The following CTNNBL1 variants were observed in gnomAD, a reference collection of about 807,000 sequenced individuals.
CTNNBL1 encodes catenin beta like 1.
A neutral mutation model predicts 72.7 loss-of-function variants in CTNNBL1; 31 were observed. The observed-to-expected ratio is 0.43, with a 90% CI of 0.32 to 0.58. The LOEUF is 0.58. Ranked by LOEUF, CTNNBL1 falls within the 20% of genes least tolerant of loss-of-function variation. The pLI, the probability that CTNNBL1 is intolerant of heterozygous loss-of-function variation, is 0.08. For missense variants in CTNNBL1, 534 were observed against 725.1 expected, an observed-to-expected ratio of 0.74 and a Z score of 3.03; for synonymous variants, 240 against 267.3, an observed-to-expected ratio of 0.90 and a Z score of 1.00.
At chr20:37,814,115 C>T (rs2072034563) in intron 11 of CTNNBL1, among the ~76,000 whole-genome samples, 1 of 152,130 alleles carries the variant, frequency 6.6e-6, no homozygotes, top group Non-Finnish European at 1.5e-5. Context: ...ACAGCTAGTA[C>T]CTGGCCTTCC....
At chr20:37,752,379 T>G (rs2073327348) in intron 4 of CTNNBL1, among the ~76,000 whole-genome samples, 1 of 152,222 alleles carries the variant, frequency 6.6e-6, no homozygotes, top group Non-Finnish European at 1.5e-5. Flanking sequence ...TCATCTGCAT[T>G]AATTGAGCTA....
At chr20:37,868,701 G>A (rs138990503) in intron 15 of CTNNBL1, among the ~76,000 whole-genome samples, 16 of 152,258 alleles carry the variant, frequency 1.1e-4, no homozygotes, top group African/African-American at 2.2e-4. Context: ...GCGAGGCCTC[G>A]GCACAGGTGA....
intron 10 of CTNNBL1, 94 bp downstream of exon 10, chr20:37,779,429 T>C: frequency 6.9e-7 from 1 of 1,439,468 alleles, no homozygotes; most frequent in Non-Finnish European, 9.6e-7. Context: ...TCATTTATTC[T>C]GTTGGGTTTC....
At chr20:37,782,750 A>G (rs994080290) in intron 10 of CTNNBL1, among the ~76,000 whole-genome samples, 1 of 152,196 alleles carries the variant, frequency 6.6e-6, no homozygotes, top group African/African-American at 2.4e-5. Flanking sequence ...AACATTTTAC[A>G]TTTACATCCC....
intron 1 of CTNNBL1, among the ~76,000 whole-genome samples, chr20:37,726,462 G>T (rs1036739817): frequency 1.3e-5 from 2 of 152,154 alleles, no homozygotes; most frequent in Admixed American, 1.3e-4. Flanking sequence ...CTCACCATAG[G>T]CAAGTTGCTT....
Position 37,860,338 on chromosome 20 carries a change from A to G in CTNNBL1, c.1597A>G (p.Ile533Val), listed in dbSNP as rs778774670. ...CTCCATCAAAATTGTCAGGCATATCATCAAGGGTGAGTTGGATGCTACTCA... is the reference window on the plus strand; with the variant it reads ...CTCCATCAAAATTGTCAGGCATATCGTCAAGGGTGAGTTGGATGCTACTCA... ...GSSIKIVRHI[I>V]KEYAENIGDG... The change falls in exon 15 of 16, where the codon ATC becomes GTC. Residue 533 changes from isoleucine (I) to valine (V), a missense_variant. Ile to Val is a conservative substitution (Grantham distance 29). Transcript: ENST00000361383. 9 of 1,606,478 alleles carry G rather than the reference A, an allele frequency of 5.6e-6. No individual in the cohort carries two copies. Among genetic ancestry groups the G allele is most frequent in the Non-Finnish European group, 7.7e-6 (9 of 1,172,950 alleles).
intron 15 of CTNNBL1, among the ~76,000 whole-genome samples, chr20:37,870,364 C>T (rs1044945840): frequency 2.6e-5 from 4 of 152,004 alleles, no homozygotes; most frequent in African/African-American, 7.3e-5. Flanking sequence ...AAGTTTGTGT[C>T]GGGGGACTGC....
chr20:37,771,075 G>A (rs1289242775), intron 7 of CTNNBL1, among the ~76,000 whole-genome samples: 1 of 151,982 alleles, frequency 6.6e-6, no homozygotes, highest in Non-Finnish European at 1.5e-5. Context: ...TAACTTTTCT[G>A]GCCTGTTTTC....
At chr20:37,766,970 G>T (rs553507830) in intron 6 of CTNNBL1, among the ~76,000 whole-genome samples, 1 of 152,300 alleles carries the variant, frequency 6.6e-6, no homozygotes, top group South Asian at 2.1e-4. Context: ...ATCTCTCAGG[G>T]TTTCCTTGCT....
intron 13 of CTNNBL1, among the ~76,000 whole-genome samples, chr20:37,845,040 C>T (rs530751550): frequency 7.9e-5 from 12 of 152,292 alleles, no homozygotes; most frequent in African/African-American, 2.6e-4. Context: ...TAGAAGCTCC[C>T]GCCGCTGCTG....
At chr20:37,815,901 T>TA (rs2072053758) in intron 11 of CTNNBL1, among the ~76,000 whole-genome samples, 1 of 152,246 alleles carries the variant, frequency 6.6e-6, no homozygotes, top group African/African-American at 2.4e-5. Flanking sequence ...GTGAGGTGTT[T>TA]GTTAGTGTCT....
chr20:37,838,264 C>T (rs2072272245), intron 11 of CTNNBL1, among the ~76,000 whole-genome samples: 2 of 152,112 alleles, frequency 1.3e-5, no homozygotes, highest in South Asian at 4.1e-4. Context: ...GCTGGCTGCT[C>T]TATGGAGATT....
intron 10 of CTNNBL1, among the ~76,000 whole-genome samples, chr20:37,779,981 T>C (rs962316497): frequency 6.6e-6 from 1 of 151,920 alleles, no homozygotes; most frequent in African/African-American, 2.4e-5. Flanking sequence ...TGATAACTCT[T>C]GAGACCCTGT....
chr20:37,811,861 A>C (rs1319776918), intron 11 of CTNNBL1, among the ~76,000 whole-genome samples: 1 of 152,254 alleles, frequency 6.6e-6, no homozygotes, highest in African/African-American at 2.4e-5. Context: ...TTTATGAATT[A>C]GGCATTTCTG....
Position 37,860,110 on chromosome 20 carries a change from ACTC to A in CTNNBL1, c.1530+75_1530+77del, listed in dbSNP as rs2072479083. 9 of 95,588 alleles carry A rather than the reference ACTC, an allele frequency of 9.4e-5. No individual in the cohort carries two copies. In the Admixed American group the frequency reaches 2.3e-3, roughly 25 times the overall value. The allele number at this position is 95,588 out of a possible 1,614,324, so 5.9% of individuals were successfully genotyped here. A position where few individuals can be genotyped will look rare whatever the true frequency, so the allele number is the denominator to read the frequency against. On this transcript the variant is annotated intron_variant, in intron 14 of 15. Transcript: ENST00000361383. ...TCGCCAGCTGCTTAGGTGGACTCTC[ACTC>A]AGGGAAAGAAGGGGGTCACGCTCTC...
In CTNNBL1 at chr20:37,694,428, T is replaced by C. The variant is rs996101995; in HGVS notation, c.30+276T>C. ...CTCTGAAACCCCAGACTATCCTTTTTTTCACAACCATGTCCTCTCAGCTCT... is the reference window on the plus strand; with the variant it reads ...CTCTGAAACCCCAGACTATCCTTTTCTTCACAACCATGTCCTCTCAGCTCT... On this transcript the variant is annotated intron_variant, in intron 1 of 15. Transcript: ENST00000361383. Among the ~76,000 whole-genome samples, 3 of 152,166 alleles carry C rather than the reference T, an allele frequency of 2.0e-5. No homozygotes were observed. The South Asian group carries it at 6.2e-4, about 32-fold the overall frequency.
intron 11 of CTNNBL1, among the ~76,000 whole-genome samples, chr20:37,830,071 A>G (rs1301000958): frequency 2.6e-5 from 4 of 151,958 alleles, no homozygotes; most frequent in South Asian, 2.1e-4. Context: ...AGGCTCAAGC[A>G]ATCTAACCAG....
chr20:37,726,659 A>G (rs981630065), intron 1 of CTNNBL1, among the ~76,000 whole-genome samples: 2 of 152,206 alleles, frequency 1.3e-5, no homozygotes, highest in Non-Finnish European at 2.9e-5. Context: ...TAGATGAAGA[A>G]TTCTTGGTTT....
chr20:37,731,862 A>G (rs1240117595), intron 1 of CTNNBL1, among the ~76,000 whole-genome samples: 1 of 152,212 alleles, frequency 6.6e-6, no homozygotes, highest in Admixed American at 6.5e-5. Flanking sequence ...TATTGTGAAT[A>G]ATGCTACAAT....
Sources: allele counts gnomAD v4.1 joint callset (sites outside exome capture counted in the v4.1 genomes callset), GRCh38; gene constraint gnomAD v4.1.1; transcripts MANE v1.5; gene names NCBI Gene and HGNC (gene_info 2026-07-23, HGNC 2026-07-21).